ZNF426: variants seen among roughly 807,000 people sequenced by gnomAD.
The protein encoded by ZNF426 is CTC-543D15.7.
Under a neutral mutation model 24.0 loss-of-function variants are expected in ZNF426, and 23 were observed. The observed-to-expected ratio is 0.96, with a 90% confidence interval of 0.69 to 1.36. ZNF426 has a LOEUF of 1.36. Ranked by LOEUF, ZNF426 falls within the 40% of genes most tolerant of loss-of-function variation. ZNF426 has a pLI of 0.00. For synonymous variants in ZNF426, 272 were observed against 224.6 expected, an observed-to-expected ratio of 1.21 and a Z score of -1.89; for missense variants, 646 against 658.4, an observed-to-expected ratio of 0.98 and a Z score of 0.21.
chr19:9,536,041 T>C (rs1375584490), intron 3 of ZNF426, among the ~76,000 whole-genome samples, 167 bp downstream of exon 3: 1 of 152,146 alleles, frequency 6.6e-6, no homozygotes, highest in African/African-American at 2.4e-5. Flanking sequence ...GCAGTACCTC[T>C]TTCCAAAATT....
At chr19:9,537,897 G>A (rs755869357) in intron 2 of ZNF426, among the ~76,000 whole-genome samples, 2 of 152,000 alleles carry the variant, frequency 1.3e-5, no homozygotes, top group African/African-American at 2.4e-5. Flanking sequence ...CAACCATCCT[G>A]TTCATTGTAA....
intron 5 of ZNF426, 128 bp downstream of exon 5, chr19:9,533,712 T>C (rs1486851768): frequency 1.5e-6 from 2 of 1,301,334 alleles, no homozygotes; most frequent in Non-Finnish European, 2.2e-6. Context: ...TTAAAATCTA[T>C]TTAGGACAGG....
chr19:9,529,237 G>C lies in ZNF426; in HGVS notation c.808C>G (p.Leu270Val). The change falls in exon 8 of 8, where the codon CTT (leucine) becomes GTT (valine). Residue 270 changes from leucine to valine, a missense_variant. Leu to Val is a conservative substitution (Grantham distance 32). Transcript: ENST00000253115. ...GFIDSTSLSV[L>V]IETLNAKKPY... The stretch of plus-strand genomic sequence containing the variant: ...TTTTTTGCATTGAGGGTTTCTATAA[G>C]CACAGAAAGGCTTGTAGAGTCAATA... 6.2e-6 allele frequency: 10 copies of C among 1,613,820 alleles called. No individual in the cohort carries two copies. The highest frequency in any genetic ancestry group is 8.5e-6 in the Non-Finnish European group (10 of 1,179,958).
At chr19:9,531,172 G>A (rs1485075251) in intron 6 of ZNF426, 105 bp from the exon 7 acceptor site, 1 of 884,364 alleles carries the variant, frequency 1.1e-6, no homozygotes, top group Non-Finnish European at 1.8e-6. Context: ...ATCACTTGAG[G>A]TCAGGAGTTT....
At position 9,529,164 on chromosome 19, in the gene ZNF426, T is replaced by A; in HGVS notation, c.881A>T (p.Tyr294Phe). 6.2e-7 allele frequency: 1 copy of A among 1,614,206 alleles called. No homozygotes were observed. The highest frequency in any genetic ancestry group is 8.5e-7 in the Non-Finnish European group (1 of 1,180,034). ...GTGGGTTCGCATGTGAATACTGAGGTAGGCTGGGTATCTATAGCCTTTTCC... is the reference window on the plus strand; with the variant it reads ...GTGGGTTCGCATGTGAATACTGAGGAAGGCTGGGTATCTATAGCCTTTTCC... ...ECGKGYRYPA[Y>F]LSIHMRTHTG... Residue 294 changes from tyrosine (Y) to phenylalanine (F), a missense_variant, in exon 8 of 8, where the codon TAC becomes TTC. By Grantham distance (22) the Tyr-to-Phe change is conservative. Transcript: ENST00000253115.
In ZNF426 at chr19:9,536,133, G is replaced by A. The variant is rs1291947954; in HGVS notation, c.25+75C>T. On this transcript the variant is annotated intron_variant, in intron 3 of 7. Transcript: ENST00000253115. ...AAATGAATCAGCAACATGACCAGCTGCCCAAACCACTAGACCCTATATTGT... is the reference window on the plus strand; with the variant it reads ...AAATGAATCAGCAACATGACCAGCTACCCAAACCACTAGACCCTATATTGT... 3.8e-6 allele frequency: 6 copies of A among 1,595,328 alleles called. No homozygotes were observed. In the African/African-American group the frequency reaches 6.7e-5, roughly 18 times the overall value.
rs573318108 is a variant in ZNF426, at chr19:9,526,512, A to T, written c.*1868T>A. 2.0e-5 allele frequency: 3 copies of T among 152,294 alleles called. No individual in the cohort carries two copies. The highest frequency in any genetic ancestry group is 6.5e-5 in the Admixed American group (1 of 15,282). 9.4% of individuals were successfully genotyped at this position (152,294 alleles called of 1,614,324 possible). On this transcript the variant is annotated 3_prime_UTR_variant, in exon 8 of 8. Coordinates refer to ENST00000253115, the MANE Select transcript of ZNF426 (RefSeq NM_024106.3). ...GTCTTTGGTAGGCTTATTATTGGCC[A>T]AGAAACAGCCAACTAAAGAGCTTGA...
rs1380889045 is a variant in ZNF426, at chr19:9,527,452, G to C, written c.*928C>G. On this transcript the variant is annotated 3_prime_UTR_variant, in exon 8 of 8. Transcript: ENST00000253115. ...CCTTTTTTCTCCTCTATTTTCACATGGTCTACGACCAGACAACTTGCATGT... is the reference window on the plus strand; with the variant it reads ...CCTTTTTTCTCCTCTATTTTCACATCGTCTACGACCAGACAACTTGCATGT... The C allele has an allele frequency of 6.6e-6, 1 of 152,090 alleles. No homozygotes were observed. The highest frequency in any genetic ancestry group is 1.5e-5 in the Non-Finnish European group (1 of 68,020). 9.4% of individuals were successfully genotyped at this position (152,090 alleles called of 1,614,324 possible). A position where few individuals can be genotyped will look rare whatever the true frequency, so the allele number is the denominator to read the frequency against.
rs1162920604 is a variant in ZNF426, at chr19:9,526,817, A to G, written c.*1563T>C. 6.6e-6 allele frequency: 1 copy of G among 152,182 alleles called. No individual in the cohort carries two copies. Among genetic ancestry groups the G allele is most frequent in the Non-Finnish European group, 1.5e-5 (1 of 68,018 alleles). The allele number at this position is 152,182 out of a possible 1,614,324, so 9.4% of individuals were successfully genotyped here. On this transcript the variant is annotated 3_prime_UTR_variant, in exon 8 of 8. Coordinates refer to ENST00000253115, the MANE Select transcript of ZNF426 (RefSeq NM_024106.3). ...TAACAGAATATCAAAGATAACAAAA[A>G]ATTTTCATAGAAGCCAGAGGGGGGG... is the stretch of plus-strand genomic sequence containing the variant.
chr19:9,528,081 T>G lies in ZNF426; in HGVS notation c.*299A>C. 1 of 249,690 alleles carries G rather than the reference T, an allele frequency of 4.0e-6. No homozygotes were observed. Among genetic ancestry groups the G allele is most frequent in the South Asian group, 6.2e-5 (1 of 16,244 alleles). The allele number at this position is 249,690 out of a possible 1,614,324, so 15.5% of individuals were successfully genotyped here. On this transcript the variant is annotated 3_prime_UTR_variant, in exon 8 of 8. Coordinates refer to ENST00000253115, the MANE Select transcript of ZNF426 (RefSeq NM_024106.3). The stretch of plus-strand genomic sequence containing the variant: ...TCTGCTCACTGCAACCTCTGCTTCC[T>G]GGGTTCAAGTGATTCACTTGCCTCA...
intron 4 of ZNF426, among the ~76,000 whole-genome samples, chr19:9,534,681 A>G (rs1250007722): frequency 6.6e-6 from 1 of 150,764 alleles, no homozygotes; most frequent in Non-Finnish European, 1.5e-5. Context: ...TGCAGCCTCA[A>G]CCTCCAGGGC....
Position 9,528,492 on chromosome 19 carries a change from G to A in ZNF426, c.1553C>T (p.Ser518Phe), listed in dbSNP as rs868339840. Reference sequence around the variant, plus strand: ...GTGAGTTTTTTCATGAATTCTAAAGGAACTGGAACACGTGAAGGCTTTCCC... The same window carrying A: ...GTGAGTTTTTTCATGAATTCTAAAGAAACTGGAACACGTGAAGGCTTTCCC... ...ECGKAFTCSS[S>F]FRIHEKTHTE... The change falls in exon 8 of 8, where the codon TCC becomes TTC. Residue 518 changes from serine to phenylalanine, a missense_variant. Physicochemically the swap from Ser to Phe is radical, Grantham distance 155. Transcript: ENST00000253115. 6.2e-7 allele frequency: 1 copy of A among 1,614,114 alleles called. No individual in the cohort carries two copies. The highest frequency in any genetic ancestry group is 1.1e-5 in the South Asian group (1 of 91,076).
At position 9,535,267 on chromosome 19, in the gene ZNF426, G is replaced by C. The variant is rs932026097; in HGVS notation, c.38C>G (p.Ser13Cys). 16 of 1,612,814 alleles carry C rather than the reference G, an allele frequency of 9.9e-6. No homozygotes were observed. Among genetic ancestry groups the C allele is most frequent in the Non-Finnish European group, 1.4e-5 (16 of 1,179,254 alleles). The stretch of plus-strand genomic sequence containing the variant: ...TTCATGAAGGCAAACTGGGTCCCCA[G>C]AAAGATAATGTCCTGTAAGAAAATG... ...AADLSHGHYL[S>C]GDPVCLHEEK... The change falls in exon 4 of 8, where the codon TCT becomes TGT. Residue 13 changes from serine to cysteine, a missense_variant. Physicochemically the swap from Ser to Cys is moderately radical, Grantham distance 112. Transcript: ENST00000253115.
At chr19:9,535,107 G>A (rs769887861) in intron 4 of ZNF426, 81 bp downstream of exon 4, 2 of 922,580 alleles carry the variant, frequency 2.2e-6, no homozygotes, top group Admixed American at 2.6e-5. Context: ...GAAGTCTGGA[G>A]ACAACTCTGC....
rs1364450048 is a variant in ZNF426 at position 9,529,451 on chromosome 19, C to G, written c.594G>C (p.Glu198Asp). 1 of 1,613,978 alleles carries G rather than the reference C, an allele frequency of 6.2e-7. No individual in the cohort carries two copies. Among genetic ancestry groups the G allele is most frequent in the Non-Finnish European group, 8.5e-7 (1 of 1,179,984 alleles). Reference sequence around the variant, plus strand: ...TGAAGATTTTTTCACTCTGATTAAACTCAGAAAGTTTCTCACCAGTAGAGG... The same window carrying G: ...TGAAGATTTTTTCACTCTGATTAAAGTCAGAAAGTTTCTCACCAGTAGAGG... The part of the protein sequence containing the change: ...EKTSTGEKLS[E>D]FNQSEKIFSL... Residue 198 changes from glutamate to aspartate, a missense_variant, in exon 8 of 8, where the codon GAG becomes GAC. Transcript: ENST00000253115.
chr19:9,530,923 A>G (rs1282792418), intron 7 of ZNF426, 62 bp downstream of exon 7: 4 of 1,389,354 alleles, frequency 2.9e-6, no homozygotes, highest in Admixed American at 1.7e-5. Flanking sequence ...CTGACTTCCC[A>G]TAACAGAATT....
At chr19:9,532,317 G>A (rs2073898988) in intron 6 of ZNF426, among the ~76,000 whole-genome samples, 1 of 144,860 alleles carries the variant, frequency 6.9e-6, no homozygotes, top group African/African-American at 2.6e-5. Context: ...GGGGTCAGTG[G>A]CCAGGGTCTC....
chr19:9,536,074 A>G, intron 3 of ZNF426, 134 bp downstream of exon 3: 1 of 1,097,378 alleles, frequency 9.1e-7, no homozygotes, highest in East Asian at 2.4e-5. Flanking sequence ...CTGACTCACA[A>G]GACAGCACGT....
Position 9,532,283 on chromosome 19 carries a change from T to C in ZNF426, c.325+562A>G, listed in dbSNP as rs200843956. Among the ~76,000 whole-genome samples, 381 of 146,202 alleles carry C rather than the reference T, an allele frequency of 2.6e-3. 5 individuals are homozygous for C. Among genetic ancestry groups the C allele is most frequent in the Admixed American group, 0.019 (273 of 14,752 alleles). On this transcript the variant is annotated intron_variant, in intron 6 of 7. Coordinates refer to ENST00000253115, the MANE Select transcript of ZNF426 (RefSeq NM_024106.3). ...CTGGAAATTTTTCTTTTTTTCTTTT[T>C]TTTTTTTTTTTTTTTGTGGGGTGGG...
Sources: gnomAD v4.1 joint callset for allele counts (sites outside exome capture counted in the v4.1 genomes callset) on GRCh38, gnomAD v4.1.1 for gene constraint, MANE v1.5 for transcripts, NCBI Gene and HGNC (gene_info 2026-07-23, HGNC 2026-07-21) for gene names.